The following PTPRD variants were observed in gnomAD, a reference collection of about 807,000 sequenced individuals.
The protein encoded by PTPRD is receptor-type tyrosine-protein phosphatase delta.
In PTPRD, 34 loss-of-function variants were observed where a neutral mutation model predicts 214.5. That is an observed-to-expected ratio of 0.16 (90% confidence interval 0.12 to 0.21). The LOEUF (loss-of-function observed/expected upper bound fraction) is 0.21. Among genes scored for constraint, PTPRD ranks in the 10% least tolerant of loss-of-function variants. The pLI is 1.00. For missense variants in PTPRD, 2,545 were observed against 2,398.7 expected (o/e 1.06, Z -1.27); for synonymous variants, 1,128 against 845.7 (o/e 1.33, Z -5.79).
intron 5 of PTPRD, among the ~76,000 whole-genome samples, chr9:9,914,606 C>G (rs149535640): frequency 1.5e-4 from 23 of 152,256 alleles, no homozygotes; most frequent in Admixed American, 4.6e-4. Flanking sequence ...GTTCCGAGTA[C>G]GTGTTTACCG....
intron 2 of PTPRD, among the ~76,000 whole-genome samples, chr9:10,350,059 G>C (rs542522521): frequency 9.2e-5 from 14 of 152,184 alleles, no homozygotes; most frequent in Non-Finnish European, 1.3e-4. Flanking sequence ...TAAGTTCACA[G>C]ACTAGAAAAG....
chr9:8,586,035 C>T (rs2093626207), intron 14 of PTPRD, among the ~76,000 whole-genome samples: 1 of 152,208 alleles, frequency 6.6e-6, no homozygotes, highest in African/African-American at 2.4e-5. Flanking sequence ...GGAGCAGTGG[C>T]TCACACCTGT....
chr9:10,041,500 G>A (rs2097296309), intron 3 of PTPRD, among the ~76,000 whole-genome samples: 1 of 151,210 alleles, frequency 6.6e-6, no homozygotes, highest in African/African-American at 2.4e-5. Context: ...ATGTTTTAGA[G>A]CAACTATTTC....
chr9:10,178,522 A>G (rs1408169513), intron 3 of PTPRD, among the ~76,000 whole-genome samples: 3 of 152,060 alleles, frequency 2.0e-5, no homozygotes, highest in African/African-American at 7.2e-5. Flanking sequence ...CTGGATATGA[A>G]AAATATAATT....
chr9:9,548,409 T>TC (rs1195239770), intron 8 of PTPRD, among the ~76,000 whole-genome samples: 1 of 148,108 alleles, frequency 6.8e-6, no homozygotes. Flanking sequence ...TTTTTTCTTT[T>TC]TTTTTTTTTT....
intron 11 of PTPRD, among the ~76,000 whole-genome samples, chr9:8,996,447 G>A (rs1166515699): frequency 1.3e-5 from 2 of 152,084 alleles, no homozygotes; most frequent in Non-Finnish European, 2.9e-5. Context: ...AAACAGAGCA[G>A]TTGTTGCCTA....
intron 36 of PTPRD, among the ~76,000 whole-genome samples, chr9:8,390,155 G>C (rs2135713742): frequency 6.6e-6 from 1 of 152,246 alleles, no homozygotes; most frequent in South Asian, 2.1e-4. Context: ...TCTCCAGTTT[G>C]TTCTCCATCT....
At chr9:8,558,243 A>G (rs2084769463) in intron 14 of PTPRD, among the ~76,000 whole-genome samples, 1 of 152,228 alleles carries the variant, frequency 6.6e-6, no homozygotes, top group South Asian at 2.1e-4. Context: ...AAACGGAGAC[A>G]ACTAAAGATG....
chr9:9,819,627 T>A (rs140763792), intron 5 of PTPRD, among the ~76,000 whole-genome samples: 6 of 152,208 alleles, frequency 3.9e-5, no homozygotes, highest in Non-Finnish European at 8.8e-5. Flanking sequence ...CTGAGCATAG[T>A]CCCCAACGGT....
intron 8 of PTPRD, among the ~76,000 whole-genome samples, chr9:9,462,831 T>C (rs2093782385): frequency 6.6e-6 from 1 of 152,164 alleles, no homozygotes; most frequent in Admixed American, 6.6e-5. Context: ...ATTCTCCTCC[T>C]AGACACTTTA....
chr9:10,466,572 A>G lies in PTPRD; in HGVS notation c.-599-125555T>C, dbSNP rs2098995146. Among the ~76,000 whole-genome samples the G allele has an allele frequency of 2.9e-5, 4 of 139,018 alleles. 1 individual carries two copies. The South Asian group carries it at 9.0e-4, about 31-fold the overall frequency. The allele number at this position is 139,018 out of a possible 152,430, so 91.2% of individuals were successfully genotyped here. On this transcript the variant is annotated intron_variant, in intron 2 of 45. Coordinates refer to ENST00000381196, the MANE Select transcript of PTPRD (RefSeq NM_002839.4). Reference sequence around the variant, plus strand: ...CAGGAGGCAGAGGTTGCGGTGAGCCAAGATTGTGCCATTGCACTCCAGCCT... The same window carrying G: ...CAGGAGGCAGAGGTTGCGGTGAGCCGAGATTGTGCCATTGCACTCCAGCCT...
chr9:9,906,889 G>A (rs751718966), intron 5 of PTPRD, among the ~76,000 whole-genome samples: 27 of 151,892 alleles, frequency 1.8e-4, no homozygotes, highest in Admixed American at 3.3e-4. Flanking sequence ...TATGAGATCT[G>A]GCTCATAGAA....
rs574576197 is a variant in PTPRD, at chr9:10,423,506, G to C, written c.-599-82489C>G. ...CAGTCCTTGTTCTAAAGGAGATTAT[G>C]GTCACATCTCTACACAAAGATATGC... is the stretch of plus-strand genomic sequence containing the variant. On this transcript the variant is annotated intron_variant, in intron 2 of 45. Coordinates refer to ENST00000381196, the MANE Select transcript of PTPRD (RefSeq NM_002839.4). Among the ~76,000 whole-genome samples, 43 of 151,912 alleles carry C rather than the reference G, an allele frequency of 2.8e-4. No homozygotes were observed. The South Asian group carries it at 8.1e-3, about 29-fold the overall frequency.
intron 25 of PTPRD, among the ~76,000 whole-genome samples, chr9:8,498,383 C>A (rs1321695102): frequency 3.9e-5 from 6 of 152,138 alleles, no homozygotes; most frequent in African/African-American, 1.4e-4. Flanking sequence ...TCAAGTAATT[C>A]TCCTGCCTCA....
At chr9:9,918,001 C>T (rs73402630) in intron 5 of PTPRD, among the ~76,000 whole-genome samples, 28,517 of 151,596 alleles carry the variant, frequency 0.19, 2,813 homozygotes, top group African/African-American at 0.25. Flanking sequence ...TCCCTAAGAA[C>T]GAGAAAAGAC....
intron 9 of PTPRD, among the ~76,000 whole-genome samples, chr9:9,211,515 GCACACACACACACACACACACACA>G (rs36213005): frequency 6.3e-5 from 9 of 143,654 alleles, no homozygotes; most frequent in South Asian, 2.3e-4. Flanking sequence ...GTGTGCGCAC[GCACACACACACACACACACACACA>G]CACACACACA....
intron 34 of PTPRD, among the ~76,000 whole-genome samples, chr9:8,440,001 G>C (rs7034304): frequency 0.63 from 86,925 of 137,380 alleles, 27,224 homozygotes; most frequent in East Asian, 0.78. Flanking sequence ...ATTCAGGTCT[G>C]TGGATGTGGG....
At chr9:8,888,930 T>C (rs1265260020) in intron 11 of PTPRD, among the ~76,000 whole-genome samples, 1 of 152,226 alleles carries the variant, frequency 6.6e-6, no homozygotes, top group Non-Finnish European at 1.5e-5. Flanking sequence ...CTTATCTGTA[T>C]AATGGAGGCA....
intron 11 of PTPRD, among the ~76,000 whole-genome samples, chr9:8,938,695 G>A (rs555074147): frequency 6.6e-5 from 10 of 151,702 alleles, no homozygotes; most frequent in Admixed American, 2.6e-4. Context: ...AGTACAAAGG[G>A]TCCACTAAGA....
Sources: allele counts gnomAD v4.1 joint callset (sites outside exome capture counted in the v4.1 genomes callset), GRCh38; gene constraint gnomAD v4.1.1; transcripts MANE v1.5; gene names NCBI Gene and HGNC (gene_info 2026-07-23, HGNC 2026-07-21).